The following MACROD2 variants were observed in gnomAD, a reference collection of about 807,000 sequenced individuals.
MACROD2 encodes the protein ADP-ribose glycohydrolase MACROD2.
MACROD2 carries 36 observed loss-of-function variants against 70.4 expected under a neutral mutation model. The ratio of observed to expected loss-of-function variants is 0.51; its 90% CI spans 0.39 to 0.68. The LOEUF is 0.68. MACROD2 is among the 30% of genes least tolerant of loss of function. The pLI is 0.00. For synonymous variants in MACROD2, 172 were observed against 178.8 expected, an observed-to-expected ratio of 0.96 and a Z score of 0.30; for missense variants, 496 against 538.4, an observed-to-expected ratio of 0.92 and a Z score of 0.78.
At chr20:15,113,798 G>T (rs1346694153) in intron 5 of MACROD2, among the ~76,000 whole-genome samples, 1 of 151,496 alleles carries the variant, frequency 6.6e-6, no homozygotes, top group African/African-American at 2.4e-5. Flanking sequence ...GTGTGTGTGT[G>T]TGCTGGAGGG....
intron 7 of MACROD2, among the ~76,000 whole-genome samples, chr20:15,440,847 A>C (rs1415547820): frequency 6.6e-6 from 1 of 152,112 alleles, no homozygotes; most frequent in Non-Finnish European, 1.5e-5. Context: ...TTGCTTTAAA[A>C]ACTTACTCTC....
intron 10 of MACROD2, among the ~76,000 whole-genome samples, chr20:15,923,860 A>G (rs1360975297): frequency 1.3e-5 from 2 of 152,236 alleles, no homozygotes; most frequent in African/African-American, 2.4e-5. Context: ...GTTGAGATTT[A>G]TTCTGGTACA....
intron 6 of MACROD2, among the ~76,000 whole-genome samples, chr20:15,394,862 G>C (rs557963540): frequency 1.3e-5 from 2 of 152,186 alleles, no homozygotes; most frequent in South Asian, 2.1e-4. Flanking sequence ...AAACTTGACA[G>C]TCCAGTGTAG....
intron 5 of MACROD2, among the ~76,000 whole-genome samples, chr20:14,921,580 G>A (rs546147780): frequency 6.6e-6 from 1 of 152,260 alleles, no homozygotes; most frequent in East Asian, 1.9e-4. Context: ...GCTAATTTCT[G>A]CTCCAGATGC....
At chr20:14,484,428 T>A (rs2084698473) in intron 3 of MACROD2, among the ~76,000 whole-genome samples, 1 of 152,206 alleles carries the variant, frequency 6.6e-6, no homozygotes, top group Non-Finnish European at 1.5e-5. Flanking sequence ...ATTTAGCCTT[T>A]GTGTTACAAA....
intron 8 of MACROD2, among the ~76,000 whole-genome samples, chr20:15,599,162 C>T (rs149249838): frequency 2.8e-4 from 43 of 151,476 alleles, no homozygotes; most frequent in Middle Eastern, 6.8e-3. Flanking sequence ...GGGCGGATCA[C>T]GAGGTCAGGA....
At chr20:15,959,340 G>T (rs1187525146) in intron 12 of MACROD2, among the ~76,000 whole-genome samples, 1 of 152,084 alleles carries the variant, frequency 6.6e-6, no homozygotes, top group Non-Finnish European at 1.5e-5. Context: ...GAAATTTACT[G>T]AACCTGTTTT....
At chr20:14,145,954 G>A (rs1205576179) in intron 3 of MACROD2, among the ~76,000 whole-genome samples, 1 of 152,182 alleles carries the variant, frequency 6.6e-6, no homozygotes, top group African/African-American at 2.4e-5. Context: ...GGAGACTATT[G>A]TTTTATGTAA....
Position 14,944,265 on chromosome 20 carries a change from A to C in MACROD2, c.418+259306A>C, listed in dbSNP as rs564806501. 5.3e-5 allele frequency among the ~76,000 whole-genome samples: 8 copies of C among 152,286 alleles called. No homozygotes were observed. In the South Asian group the frequency reaches 1.5e-3, roughly 28 times the overall value. On this transcript the variant is annotated intron_variant, in intron 5 of 17. Coordinates refer to ENST00000684519, the MANE Select transcript of MACROD2 (RefSeq NM_001351661.2). Reference sequence around the variant, plus strand: ...AGGGCTGGGGAAGGCAAGGAGAGTGAAGAAAGGAAAACTGGGCGTGCAACC... The same window carrying C: ...AGGGCTGGGGAAGGCAAGGAGAGTGCAGAAAGGAAAACTGGGCGTGCAACC...
intron 5 of MACROD2, among the ~76,000 whole-genome samples, chr20:14,727,712 G>C (rs1448224334): frequency 6.6e-6 from 1 of 152,168 alleles, no homozygotes; most frequent in African/African-American, 2.4e-5. Flanking sequence ...ATCTCAGTAA[G>C]ATTTTTGATG....
chr20:15,780,529 G>A (rs4813197), intron 8 of MACROD2, among the ~76,000 whole-genome samples: 44,100 of 151,974 alleles, frequency 0.29, 6,891 homozygotes, highest in East Asian at 0.53. Flanking sequence ...ACATGCAGTG[G>A]TAGGCAAGGC....
intron 5 of MACROD2, among the ~76,000 whole-genome samples, chr20:15,206,716 T>A (rs1386610147): frequency 1.7e-5 from 2 of 116,526 alleles, no homozygotes; most frequent in East Asian, 2.2e-4. Flanking sequence ...TTTCATATTA[T>A]CTATGTTTTT....
At chr20:15,899,667 T>C (rs185672342) in intron 10 of MACROD2, among the ~76,000 whole-genome samples, 2 of 152,320 alleles carry the variant, frequency 1.3e-5, no homozygotes, top group South Asian at 2.1e-4. Context: ...CATCATATTT[T>C]TACAGAAAGC....
intron 5 of MACROD2, among the ~76,000 whole-genome samples, chr20:14,976,456 G>A (rs1435397501): frequency 6.6e-6 from 1 of 152,024 alleles, no homozygotes; most frequent in Non-Finnish European, 1.5e-5. Context: ...GACTTCCTGG[G>A]TCCCTTGTAC....
intron 13 of MACROD2, among the ~76,000 whole-genome samples, chr20:15,985,557 T>A (rs1055387384): frequency 6.6e-6 from 1 of 152,212 alleles, no homozygotes; most frequent in Non-Finnish European, 1.5e-5. Context: ...GTTCAGCCAC[T>A]GTGTTAATCC....
At chr20:15,105,186 A>G (rs2075901517) in intron 5 of MACROD2, among the ~76,000 whole-genome samples, 1 of 152,134 alleles carries the variant, frequency 6.6e-6, no homozygotes, top group Non-Finnish European at 1.5e-5. Context: ...GCAGGGACTC[A>G]AATGATGTTT....
At chr20:14,618,446 C>G (rs993201986) in intron 4 of MACROD2, among the ~76,000 whole-genome samples, 15 of 152,106 alleles carry the variant, frequency 9.9e-5, no homozygotes, top group African/African-American at 3.1e-4. Context: ...AACAATGTCT[C>G]TTAGGATTGC....
intron 12 of MACROD2, among the ~76,000 whole-genome samples, chr20:15,957,227 T>C (rs1217922112): frequency 6.6e-6 from 1 of 152,184 alleles, no homozygotes; most frequent in African/African-American, 2.4e-5. Flanking sequence ...TGCAGGAGTA[T>C]TCATTTTGTG....
intron 3 of MACROD2, among the ~76,000 whole-genome samples, chr20:14,262,368 A>G (rs1046784204): frequency 6.6e-6 from 1 of 152,204 alleles, no homozygotes; most frequent in Non-Finnish European, 1.5e-5. Flanking sequence ...GTCTGATTGC[A>G]TTGTGTTATT....
Sources: allele counts gnomAD v4.1 joint callset (sites outside exome capture counted in the v4.1 genomes callset), GRCh38; gene constraint gnomAD v4.1.1; transcripts MANE v1.5; gene names NCBI Gene and HGNC (gene_info 2026-07-23, HGNC 2026-07-21).